The following ZAP70 variants were observed in gnomAD, a reference collection of about 807,000 sequenced individuals.
The protein encoded by ZAP70 is tyrosine-protein kinase ZAP-70.
In ZAP70, 27 loss-of-function variants were observed where a neutral mutation model predicts 65.8. The ratio of observed to expected loss-of-function variants is 0.41; its 90% confidence interval spans 0.30 to 0.57. The LOEUF is 0.57. Ranked by LOEUF, ZAP70 falls within the 20% of genes least tolerant of loss-of-function variation. ZAP70 has a pLI of 0.28. For missense variants in ZAP70, 696 were observed against 870.5 expected, an observed-to-expected ratio of 0.80 and a Z score of 2.52; for synonymous variants, 363 against 360.8, an observed-to-expected ratio of 1.01 and a Z score of -0.07.
the ZAP70 span, among the ~76,000 whole-genome samples, chr2:97,753,814 AC>A: frequency 6.6e-6 from 1 of 152,130 alleles, no homozygotes; most frequent in African/African-American, 2.4e-5. Flanking sequence ...CCTATAAAAA[AC>A]AAAAAATAAA....
rs1271249905 is a variant in ZAP70, at chr2:97,739,233, A to G, written c.1737-142A>G. ...CACCCCAGAGTCCTCTCCACCACCC[A>G]ATGTCCCGCCACCCCAACAGCCCTG... On this transcript the variant is annotated intron_variant, in intron 13 of 13. Coordinates refer to ENST00000264972, the MANE Select transcript of ZAP70 (RefSeq NM_001079.4). The G allele has an allele frequency of 1.5e-5, 20 of 1,338,098 alleles. No individual in the cohort carries two copies. In the South Asian group the frequency reaches 1.7e-4, roughly 11 times the overall value. The allele number at this position is 1,338,098 out of a possible 1,614,324, so 82.9% of individuals were successfully genotyped here. A position where few individuals can be genotyped will look rare whatever the true frequency, so the allele number is the denominator to read the frequency against.
chr2:97,723,396 G>A (rs577146097), intron 2 of ZAP70, among the ~76,000 whole-genome samples: 3 of 152,268 alleles, frequency 2.0e-5, no homozygotes, highest in Non-Finnish European at 4.4e-5. Context: ...CTCTGCGCAT[G>A]CAGTCCTCTC....
chr2:97,734,469 C>T (rs778794433), intron 8 of ZAP70, 51 bp from the exon 9 acceptor site: 1 of 1,562,658 alleles, frequency 6.4e-7, no homozygotes, highest in Non-Finnish European at 8.7e-7. Flanking sequence ...GGCTGCCTTG[C>T]TCCCCACACC....
chr2:97,724,403 G>T lies in ZAP70; in HGVS notation c.367G>T (p.Val123Leu). ...GVFDCLRDAMVRDYVRQTWKL... is the reference protein window; with the variant it reads ...GVFDCLRDAMLRDYVRQTWKL... ...CTTCGACTGCCTGCGAGACGCCATG[G>T]TGCGTGACTACGTGCGCCAGACGTG... Residue 123 changes from valine to leucine, a missense_variant, in exon 3 of 14, where the codon GTG becomes TTG. Val to Leu is a conservative substitution (Grantham distance 32). Around this residue, in one of 3 missense-constraint regions of ZAP70, gnomAD observed 551 missense variants for 630.0 expected, o/e 0.87. Transcript: ENST00000264972. 1 of 1,539,954 alleles carries T rather than the reference G, an allele frequency of 6.5e-7. No individual in the cohort carries two copies.
chr2:97,740,526 C>T (rs1482487898), downstream of ZAP70, among the ~76,000 whole-genome samples: 1 of 152,156 alleles, frequency 6.6e-6, no homozygotes, highest in Non-Finnish European at 1.5e-5. Flanking sequence ...TTTTGGTCAT[C>T]ATTATGTTTC....
the ZAP70 span, among the ~76,000 whole-genome samples, chr2:97,754,564 A>C: frequency 6.6e-6 from 1 of 151,962 alleles, no homozygotes; most frequent in Admixed American, 6.6e-5. Context: ...CACCACCCCC[A>C]GCTAATTTTT....
the ZAP70 span, among the ~76,000 whole-genome samples, chr2:97,747,064 G>A: frequency 1.3e-5 from 2 of 152,214 alleles, no homozygotes; most frequent in Non-Finnish European, 2.9e-5. Context: ...AAAAACAACT[G>A]TGGGAGTGGA....
downstream of ZAP70, among the ~76,000 whole-genome samples, chr2:97,740,079 G>A (rs1204753925): frequency 6.6e-6 from 1 of 152,104 alleles, no homozygotes; most frequent in East Asian, 1.9e-4. Flanking sequence ...TGGGCCCAAG[G>A]GCTGCGTGCC....
Position 97,734,284 on chromosome 2 carries a change from T to C in ZAP70, c.890-236T>C, listed in dbSNP as rs531695065. On this transcript the variant is annotated intron_variant, in intron 8 of 13. Coordinates refer to ENST00000264972, the MANE Select transcript of ZAP70 (RefSeq NM_001079.4). ...AGTAACGGTGCCACGTGGATACCAA[T>C]GCACACGCCCCTAGAGTCCACCCTC... The C allele has an allele frequency of 5.4e-4, 667 of 1,225,236 alleles. 1 individual carries two copies. The highest frequency in any genetic ancestry group is 6.8e-4 in the Non-Finnish European group (627 of 919,396). The allele number at this position is 1,225,236 out of a possible 1,614,324, so 75.9% of individuals were successfully genotyped here.
At position 97,724,411 on chromosome 2, in the gene ZAP70, C is replaced by A; in HGVS notation, c.375C>A (p.Asp125Glu). The A allele has an allele frequency of 6.5e-7, 1 of 1,538,618 alleles. No homozygotes were observed. Among genetic ancestry groups the A allele is most frequent in the Non-Finnish European group, 8.7e-7 (1 of 1,143,520 alleles). ...FDCLRDAMVR[D>E]YVRQTWKLEG... ...GCCTGCGAGACGCCATGGTGCGTGA[C>A]TACGTGCGCCAGACGTGGAAGCTGG... Residue 125 changes from aspartate to glutamate, a missense_variant, in exon 3 of 14, where the codon GAC (aspartate) becomes GAA (glutamate). By Grantham distance (45) the Asp-to-Glu change is conservative. This residue lies in a region of ZAP70 where 551 missense variants were observed against 630.0 expected (regional missense o/e 0.87). Coordinates refer to ENST00000264972, the MANE Select transcript of ZAP70 (RefSeq NM_001079.4).
intron 4 of ZAP70, among the ~76,000 whole-genome samples, chr2:97,726,177 G>T (rs181657841): frequency 6.6e-6 from 1 of 152,190 alleles, no homozygotes; most frequent in Non-Finnish European, 1.5e-5. Flanking sequence ...GTGAACGTGC[G>T]TGTCTGAGCC....
the ZAP70 span, among the ~76,000 whole-genome samples, chr2:97,751,228 T>C: frequency 1.3e-5 from 2 of 152,210 alleles, no homozygotes; most frequent in Admixed American, 1.3e-4. Flanking sequence ...ATTATTATAA[T>C]AGCAATAAAT....
At chr2:97,747,409 T>A in the ZAP70 span, among the ~76,000 whole-genome samples, 1 of 152,200 alleles carries the variant, frequency 6.6e-6, no homozygotes, top group African/African-American at 2.4e-5. Context: ...CTGATACATA[T>A]GCCACAGCAG....
intron 2 of ZAP70, among the ~76,000 whole-genome samples, chr2:97,723,588 GTTTC>G (rs962316433): frequency 6.6e-6 from 1 of 152,174 alleles, no homozygotes; most frequent in Non-Finnish European, 1.5e-5. Context: ...TATTATTTTT[GTTTC>G]TTTCTCAGTT....
chr2:97,724,767 G>A, intron 3 of ZAP70: 4 of 1,505,208 alleles, frequency 2.7e-6, no homozygotes, highest in Non-Finnish European at 2.7e-6. Flanking sequence ...GCTAGGGTGA[G>A]CCCTTAGGGT....
intron 2 of ZAP70, among the ~76,000 whole-genome samples, chr2:97,718,549 C>T (rs543332538): frequency 1.3e-5 from 2 of 152,220 alleles, no homozygotes; most frequent in South Asian, 2.1e-4. Context: ...TTGTGATTAC[C>T]GTTGTCCTTG....
At chr2:97,725,340 T>G in intron 4 of ZAP70, 88 bp downstream of exon 4, 2 of 1,538,778 alleles carry the variant, frequency 1.3e-6, no homozygotes, top group Non-Finnish European at 1.8e-6. Flanking sequence ...AGTGTGCAGT[T>G]GGGCCGTAAG....
At position 97,737,370 on chromosome 2, in the gene ZAP70, A is replaced by G. The variant is rs1472139586; in HGVS notation, c.1290-103A>G. 3.9e-6 allele frequency: 5 copies of G among 1,281,946 alleles called. No individual in the cohort carries two copies. In the African/African-American group the frequency reaches 5.8e-5, roughly 15 times the overall value. The allele number at this position is 1,281,946 out of a possible 1,614,324, so 79.4% of individuals were successfully genotyped here. The stretch of plus-strand genomic sequence containing the variant: ...GTGCTCAATAAGCGTTTTTGAACAC[A>G]TGGTCACCTGGCTCATGCCCAGCTG... On this transcript the variant is annotated intron_variant, in intron 10 of 13. Coordinates refer to ENST00000264972, the MANE Select transcript of ZAP70 (RefSeq NM_001079.4). This position sits in a 1 kb window ranked among gnomAD's most constrained non-coding sequence, Gnocchi z 5.0.
intron 4 of ZAP70, among the ~76,000 whole-genome samples, chr2:97,727,010 C>T (rs1057227578): frequency 1.3e-4 from 20 of 152,344 alleles, no homozygotes; most frequent in African/African-American, 4.3e-4. Context: ...ACATGACTGG[C>T]CATTGGCTCA....
Sources: gnomAD v4.1 joint callset for allele counts (sites outside exome capture counted in the v4.1 genomes callset) on GRCh38, gnomAD v4.1.1 for gene constraint, gnomAD v4.1.1 regional missense constraint, Gnocchi (gnomAD v3.1) non-coding constraint, MANE v1.5 for transcripts, NCBI Gene and HGNC (gene_info 2026-07-23, HGNC 2026-07-21) for gene names.